ATAD2B: variants seen among roughly 807,000 people sequenced by gnomAD.
ATAD2B encodes ATPase family AAA domain-containing protein 2B.
Under a neutral mutation model 167.6 loss-of-function variants are expected in ATAD2B, and 40 were observed. The observed-to-expected ratio is 0.24, with a 90% CI of 0.19 to 0.31. The LOEUF is 0.31. Among genes scored for constraint, ATAD2B ranks in the 10% least tolerant of loss-of-function variants. ATAD2B has a pLI of 1.00. For synonymous variants in ATAD2B, 579 were observed against 596.5 expected (o/e 0.97, Z 0.43); for missense variants, 1,242 against 1,757.2 (o/e 0.71, Z 5.24).
At chr2:23,921,205 C>CAAAAAAAAA (rs61004964) in intron 1 of ATAD2B, among the ~76,000 whole-genome samples, 1 of 32,266 alleles carries the variant, frequency 3.1e-5, no homozygotes, top group Non-Finnish European at 5.1e-5. Context: ...GACTCCATCT[C>CAAAAAAAAA]AAAAAAAAAA....
At chr2:23,792,351 TTTTTG>T (rs1490801319) in intron 19 of ATAD2B, among the ~76,000 whole-genome samples, 2 of 152,054 alleles carry the variant, frequency 1.3e-5, no homozygotes, top group East Asian at 3.9e-4. Context: ...CTGGCCAACC[TTTTTG>T]TTTTATCGAA....
intron 13 of ATAD2B, among the ~76,000 whole-genome samples, chr2:23,845,665 G>C (rs565563433): frequency 1.5e-5 from 2 of 134,446 alleles, no homozygotes. Flanking sequence ...CTGCAGCCTC[G>C]ACCTCCTGGG....
intron 17 of ATAD2B, among the ~76,000 whole-genome samples, chr2:23,813,478 G>A (rs1369059413): frequency 6.6e-6 from 1 of 151,578 alleles, no homozygotes; most frequent in African/African-American, 2.4e-5. Flanking sequence ...GCTCACACCT[G>A]TAATCCCAGC....
chr2:23,924,026 C>CA (rs1378078220), intron 1 of ATAD2B, among the ~76,000 whole-genome samples: 16 of 151,870 alleles, frequency 1.1e-4, no homozygotes, highest in Non-Finnish European at 1.8e-4. Context: ...AATAAAAATA[C>CA]AAAAAAATTA....
the ATAD2B span, among the ~76,000 whole-genome samples, chr2:23,722,869 A>G: frequency 2.0e-5 from 3 of 152,246 alleles, no homozygotes; most frequent in African/African-American, 4.8e-5. Flanking sequence ...CTCCATCAGA[A>G]TAACAGCAGA....
intron 22 of ATAD2B, among the ~76,000 whole-genome samples, chr2:23,775,908 G>A (rs1413708171): frequency 2.6e-5 from 4 of 152,106 alleles, no homozygotes; most frequent in Admixed American, 1.3e-4. Context: ...ACAAGGTCAA[G>A]AGATCGAGAC....
At chr2:23,783,478 T>C (rs1680360554) in intron 21 of ATAD2B, among the ~76,000 whole-genome samples, 1 of 152,110 alleles carries the variant, frequency 6.6e-6, no homozygotes, top group African/African-American at 2.4e-5. Context: ...CTTTTTCAGT[T>C]TTCTAGAGTG....
chr2:23,767,283 C>T (rs1478518994), intron 22 of ATAD2B, among the ~76,000 whole-genome samples: 6 of 152,186 alleles, frequency 3.9e-5, no homozygotes, highest in South Asian at 2.1e-4. Flanking sequence ...ATTAGCCAAT[C>T]GGAATTAGTT....
intron 2 of ATAD2B, among the ~76,000 whole-genome samples, chr2:23,894,506 A>G (rs1699941089): frequency 6.6e-6 from 1 of 152,066 alleles, no homozygotes; most frequent in African/African-American, 2.4e-5. Flanking sequence ...TATCAAGATC[A>G]ATTTACATAA....
intron 17 of ATAD2B, among the ~76,000 whole-genome samples, chr2:23,814,942 GCA>G (rs1686199727): frequency 6.6e-6 from 1 of 151,840 alleles, no homozygotes; most frequent in South Asian, 2.1e-4. Context: ...TGTAATCCCA[GCA>G]ACTTGGGAGG....
chr2:23,754,248 T>C lies in ATAD2B; in HGVS notation c.4266A>G (p.Arg1422=). ...SNNLAVDQLE[R]LYSLLSQCIY... is the part of the protein sequence containing the mutation. ...TACACTGACTAAGAAGAGAATATAA[T>C]CTCTCAAGCTGATCAACTGCCAGAT... The change falls in exon 27 of 28, where the codon AGA becomes AGG. Residue 1422 remains arginine (R), a synonymous_variant. Transcript: ENST00000238789. 6.4e-7 allele frequency: 1 copy of C among 1,565,198 alleles called. No homozygotes were observed. Among genetic ancestry groups the C allele is most frequent in the Non-Finnish European group, 8.7e-7 (1 of 1,153,928 alleles).
chr2:23,784,773 T>TG (rs148369736), intron 21 of ATAD2B, among the ~76,000 whole-genome samples: 9,656 of 144,418 alleles, frequency 0.067, 543 homozygotes, highest in African/African-American at 0.16. Context: ...AAAAACACTA[T>TG]GGGGGGGGGG....
At chr2:23,899,179 G>T (rs1322947042) in intron 1 of ATAD2B, among the ~76,000 whole-genome samples, 1 of 151,940 alleles carries the variant, frequency 6.6e-6, no homozygotes, top group Admixed American at 6.6e-5. Flanking sequence ...GGGCATAGTG[G>T]TATGCACCAG....
chr2:23,902,966 G>A (rs1013043883), intron 1 of ATAD2B, among the ~76,000 whole-genome samples: 1 of 152,138 alleles, frequency 6.6e-6, no homozygotes, highest in African/African-American at 2.4e-5. Flanking sequence ...GCCGGGCATG[G>A]TGGCTCATGC....
intron 1 of ATAD2B, among the ~76,000 whole-genome samples, chr2:23,914,914 ATACT>A (rs900658115): frequency 2.0e-5 from 3 of 152,166 alleles, no homozygotes; most frequent in African/African-American, 2.4e-5. Flanking sequence ...TATAGAAGTA[ATACT>A]TACTTTAAGT....
intron 1 of ATAD2B, among the ~76,000 whole-genome samples, chr2:23,917,785 G>A (rs761010449): frequency 4.0e-5 from 6 of 151,772 alleles, no homozygotes; most frequent in African/African-American, 4.8e-5. Flanking sequence ...ATAGCCAGGC[G>A]CGGTGGCTCA....
chr2:23,679,611 GAT>G, the ATAD2B span, among the ~76,000 whole-genome samples: 1 of 142,340 alleles, frequency 7.0e-6, no homozygotes, highest in African/African-American at 2.5e-5. Flanking sequence ...CATCACACCA[GAT>G]ATATATATAT....
At chr2:23,799,002 A>G (rs994506067) in intron 18 of ATAD2B, among the ~76,000 whole-genome samples, 6 of 152,182 alleles carry the variant, frequency 3.9e-5, no homozygotes, top group Non-Finnish European at 1.5e-5. Flanking sequence ...AGTCTTAACC[A>G]TAGTTTCAAT....
the ATAD2B span, among the ~76,000 whole-genome samples, chr2:23,682,215 C>T: frequency 2.0e-5 from 3 of 152,190 alleles, 1 homozygote; most frequent in South Asian, 4.1e-4. This position sits in a 1 kb window ranked among gnomAD's most constrained non-coding sequence, Gnocchi z 4.1. Context: ...ACCTCTCCCT[C>T]GGAAAGACCG....
Sources: allele counts gnomAD v4.1 joint callset (sites outside exome capture counted in the v4.1 genomes callset), GRCh38; gene constraint gnomAD v4.1.1; non-coding constraint Gnocchi (gnomAD v3.1); transcripts MANE v1.5; gene names NCBI Gene and HGNC (gene_info 2026-07-23, HGNC 2026-07-21).